Variants in CUL2 observed in about 807,000 individuals in gnomAD.
CUL2 encodes cullin 2.
A neutral mutation model predicts 110.2 loss-of-function variants in CUL2; 22 were observed. That is an observed-to-expected ratio of 0.20 (90% CI 0.14 to 0.28). CUL2 has a LOEUF of 0.28. CUL2 is among the 10% of genes least tolerant of loss of function. The pLI, the probability that CUL2 is intolerant of heterozygous loss-of-function variation, is 1.00. For missense variants in CUL2, 631 were observed against 905.5 expected, an observed-to-expected ratio of 0.70 and a Z score of 3.89; for synonymous variants, 279 against 293.2, an observed-to-expected ratio of 0.95 and a Z score of 0.49.
upstream of CUL2, among the ~76,000 whole-genome samples, chr10:35,093,902 A>G (rs1300910340): frequency 2.6e-5 from 4 of 151,962 alleles, no homozygotes; most frequent in Admixed American, 2.6e-4. Context: ...AATTTTTTTT[A>G]TTTTGGAAAA....
At chr10:35,021,332 C>T (rs2085176433) in intron 17 of CUL2, among the ~76,000 whole-genome samples, 2 of 151,238 alleles carry the variant, frequency 1.3e-5, no homozygotes, top group South Asian at 4.2e-4. Flanking sequence ...TCTCGGCTCA[C>T]TGCAATCTCC....
intron 1 of CUL2, among the ~76,000 whole-genome samples, chr10:35,125,268 T>C (rs979581636): frequency 3.3e-5 from 5 of 152,210 alleles, no homozygotes; most frequent in African/African-American, 1.2e-4. Flanking sequence ...CCAGTATTGA[T>C]CTTTGTAAAA....
At chr10:35,113,261 C>A (rs189212548) in intron 1 of CUL2, among the ~76,000 whole-genome samples, 1 of 150,368 alleles carries the variant, frequency 6.7e-6, no homozygotes, top group Non-Finnish European at 1.5e-5. Flanking sequence ...TTTGGGAGCC[C>A]GAGGTGGGTG....
intron 5 of CUL2, among the ~76,000 whole-genome samples, chr10:35,051,351 C>T (rs2086104292): frequency 6.6e-6 from 1 of 150,742 alleles, no homozygotes; most frequent in African/African-American, 2.4e-5. Context: ...CGGTGGCTCA[C>T]GCCTGTAATC....
rs986768998 is a variant in CUL2, at chr10:35,009,825, C to T, written c.*486G>A. The T allele has an allele frequency of 9.8e-5, 15 of 152,348 alleles. No homozygotes were observed. Among genetic ancestry groups the T allele is most frequent in the African/African-American group, 3.4e-4 (14 of 41,382 alleles). 9.4% of individuals were successfully genotyped at this position (152,348 alleles called of 1,614,324 possible). On this transcript the variant is annotated 3_prime_UTR_variant, in exon 21 of 21. Coordinates refer to ENST00000374749, the MANE Select transcript of CUL2 (RefSeq NM_003591.4). ...GCTTTGAGTCAATATATTTTGTGGT[C>T]AACCTGATACTCCATCCACATAAAA... is the stretch of plus-strand genomic sequence containing the variant.
intron 2 of CUL2, among the ~76,000 whole-genome samples, chr10:35,066,361 G>A (rs1011345768): frequency 3.9e-5 from 6 of 152,016 alleles, no homozygotes; most frequent in African/African-American, 1.2e-4. Flanking sequence ...GTGCGGTGGC[G>A]TGATCTCGGC....
intron 8 of CUL2, among the ~76,000 whole-genome samples, chr10:35,044,051 C>CGA (rs1182789208): frequency 6.8e-5 from 6 of 87,796 alleles, no homozygotes; most frequent in Non-Finnish European, 1.3e-4. Context: ...ACCACATCTC[C>CGA]AAAAAAAAAA....
rs541578128 is a variant in CUL2, at chr10:35,057,737, T to A, written c.317+3137A>T. On this transcript the variant is annotated intron_variant, in intron 4 of 20. Coordinates refer to ENST00000374749, the MANE Select transcript of CUL2 (RefSeq NM_003591.4). ...TTTTTCATTTTAATATGGACACCAT[T>A]CTTATTTTATAAGTCACTGTAGTAT... Among the ~76,000 whole-genome samples the A allele has an allele frequency of 3.3e-5, 5 of 152,264 alleles. No individual in the cohort carries two copies. In the East Asian group the frequency reaches 9.6e-4, roughly 29 times the overall value.
chr10:35,095,725 A>T (rs2087287863), intron 2 of CUL2, among the ~76,000 whole-genome samples: 2 of 151,864 alleles, frequency 1.3e-5, no homozygotes, highest in Admixed American at 6.6e-5. Context: ...CACCCAGCGA[A>T]TTTTTTTGTA....
At chr10:35,025,403 A>C (rs754411084) in intron 16 of CUL2, among the ~76,000 whole-genome samples, 1 of 152,178 alleles carries the variant, frequency 6.6e-6, no homozygotes, top group African/African-American at 2.4e-5. Context: ...CAGCTCTTTT[A>C]ATTGACAACT....
Position 35,113,350 on chromosome 10 carries a change from T to C in CUL2, c.-50-12290A>G, listed in dbSNP as rs182202904. On this transcript the variant is annotated intron_variant, in intron 1 of 5. Coordinates refer to the CUL2 transcript ENST00000685421. ...GTCTCTACTAAAAATACAAAAAAAC[T>C]AGCCAGGCGTAGTGGTATGTGCCTG... Among the ~76,000 whole-genome samples the C allele has an allele frequency of 4.0e-5, 6 of 149,352 alleles. No homozygotes were observed. The East Asian group carries it at 1.2e-3, about 30-fold the overall frequency.
intron 1 of CUL2, among the ~76,000 whole-genome samples, chr10:35,104,114 G>A (rs547324017): frequency 1.1e-4 from 16 of 152,158 alleles, no homozygotes; most frequent in South Asian, 8.3e-4. Flanking sequence ...ACACATGTGC[G>A]CACACACACG....
chr10:35,019,977 T>C (rs1171234490), intron 17 of CUL2, among the ~76,000 whole-genome samples: 2 of 151,406 alleles, frequency 1.3e-5, no homozygotes, highest in African/African-American at 4.9e-5. Flanking sequence ...GTTACCGCCT[T>C]CATCAAGTGA....
Position 35,010,209 on chromosome 10 carries a change from C to G in CUL2, c.*102G>C. On this transcript the variant is annotated 3_prime_UTR_variant, in exon 21 of 21. Coordinates refer to ENST00000374749, the MANE Select transcript of CUL2 (RefSeq NM_003591.4). ...GTAAACAGCAGAAAACAGGGGCTGC[C>G]AAATGACCAAATTATGGAGGCACAG... The G allele has an allele frequency of 7.6e-7, 1 of 1,307,226 alleles. No homozygotes were observed. Among genetic ancestry groups the G allele is most frequent in the South Asian group, 2.1e-5 (1 of 47,266 alleles). The allele number at this position is 1,307,226 out of a possible 1,614,324, so 81.0% of individuals were successfully genotyped here.
At chr10:35,098,827 G>A (rs927153881) in intron 2 of CUL2, among the ~76,000 whole-genome samples, 1 of 152,128 alleles carries the variant, frequency 6.6e-6, no homozygotes, top group Non-Finnish European at 1.5e-5. Context: ...CCAGTTACTT[G>A]GGAGGCTGAC....
At chr10:35,023,594 GGTT>G (rs200930222) in intron 17 of CUL2, among the ~76,000 whole-genome samples, 4,511 of 152,050 alleles carry the variant, frequency 0.03, 221 homozygotes, top group African/African-American at 0.1. Context: ...ATACACCACT[GGTT>G]GTTAAAATGA....
chr10:35,111,864 T>C (rs2087527665), intron 1 of CUL2, among the ~76,000 whole-genome samples: 1 of 152,228 alleles, frequency 6.6e-6, no homozygotes, highest in Admixed American at 6.5e-5. Context: ...CACTCCAGCC[T>C]GATATATTGC....
At position 35,044,692 on chromosome 10, in the gene CUL2, A is replaced by G; in HGVS notation, c.604-16T>C. Reference sequence around the variant, plus strand: ...CCTGATAAAACTGAATAAATCAATTACATCATATTAGAAGAAATTAGAACA... The same window carrying G: ...CCTGATAAAACTGAATAAATCAATTGCATCATATTAGAAGAAATTAGAACA... On this transcript the variant is annotated splice_polypyrimidine_tract_variant and intron_variant, in intron 7 of 20. Transcript: ENST00000374749. 6.3e-7 allele frequency: 1 copy of G among 1,582,056 alleles called. No homozygotes were observed. Among genetic ancestry groups the G allele is most frequent in the Non-Finnish European group, 8.7e-7 (1 of 1,155,544 alleles).
intron 4 of CUL2, among the ~76,000 whole-genome samples, chr10:35,057,086 T>G (rs956747232): frequency 3.9e-5 from 6 of 152,226 alleles, no homozygotes; most frequent in Non-Finnish European, 7.3e-5. Context: ...TACAGGAGCT[T>G]CCTTTACCTA....
Sources: allele counts gnomAD v4.1 joint callset (sites outside exome capture counted in the v4.1 genomes callset), GRCh38; gene constraint gnomAD v4.1.1; transcripts MANE v1.5; gene names NCBI Gene and HGNC (gene_info 2026-07-23, HGNC 2026-07-21).